Variants in NCALD observed in about 807,000 individuals in gnomAD.
NCALD encodes the protein neurocalcin delta, also known as neurocalcin-delta.
NCALD carries 10 observed loss-of-function variants against 18.6 expected under a neutral mutation model. The ratio of observed to expected loss-of-function variants is 0.54; its 90% CI spans 0.33 to 0.91. The LOEUF (loss-of-function observed/expected upper bound fraction) is 0.91. Among genes scored for constraint, NCALD ranks in the 40% least tolerant of loss-of-function variants. NCALD has a pLI of 0.03. For missense variants in NCALD, 184 were observed against 247.6 expected (o/e 0.74, Z 1.72); for synonymous variants, 88 against 87.4 (o/e 1.01, Z -0.04).
intron 3 of NCALD, among the ~76,000 whole-genome samples, chr8:101,912,569 G>A (rs1817839395): frequency 6.6e-6 from 1 of 152,208 alleles, no homozygotes; most frequent in African/African-American, 2.4e-5. Flanking sequence ...GGGGCAAGAG[G>A]TGAAACCTAT....
chr8:102,075,257 A>G (rs958629658), intron 1 of NCALD, among the ~76,000 whole-genome samples: 1 of 152,240 alleles, frequency 6.6e-6, no homozygotes, highest in Non-Finnish European at 1.5e-5. Flanking sequence ...TGTTACCAAA[A>G]GGAAATTTTT....
chr8:101,719,400 T>C lies in NCALD; in HGVS notation c.230A>G (p.Asp77Gly). ...GAATTCTCTAAAGTCTATTGTCCCA[T>C]CTCCATTTGCATCGAAGGTGCGGAA... is the stretch of plus-strand genomic sequence containing the variant. ...HVFRTFDANG[D>G]GTIDFREFII... Residue 77 changes from aspartate (D) to glycine (G), a missense_variant, in exon 2 of 4, where the codon GAT becomes GGT. Asp to Gly is a moderately conservative substitution (Grantham distance 94). Coordinates refer to ENST00000220931, the MANE Select transcript of NCALD (RefSeq NM_032041.3). The C allele has an allele frequency of 1.9e-6, 3 of 1,614,202 alleles. No individual in the cohort carries two copies. The highest frequency in any genetic ancestry group is 1.7e-6 in the Non-Finnish European group (2 of 1,180,036).
intron 4 of NCALD, among the ~76,000 whole-genome samples, chr8:101,829,188 T>G (rs1373044753): frequency 6.6e-6 from 1 of 152,194 alleles, no homozygotes; most frequent in Non-Finnish European, 1.5e-5. Context: ...ATTTTCCAGA[T>G]AGAATATTTG....
chr8:101,896,340 C>G (rs2131541771), intron 3 of NCALD, among the ~76,000 whole-genome samples: 1 of 152,000 alleles, frequency 6.6e-6, no homozygotes, highest in African/African-American at 2.4e-5. Flanking sequence ...GGATCCCTTC[C>G]TTACACCTTA....
chr8:101,817,527 G>T (rs1813545608), intron 4 of NCALD, among the ~76,000 whole-genome samples: 1 of 150,764 alleles, frequency 6.6e-6, no homozygotes, highest in African/African-American at 2.4e-5. Flanking sequence ...CAGGTGCCCA[G>T]AATAAAATGT....
intron 2 of NCALD, among the ~76,000 whole-genome samples, chr8:101,980,257 G>A (rs1382179386): frequency 6.6e-6 from 1 of 152,162 alleles, no homozygotes; most frequent in Non-Finnish European, 1.5e-5. Context: ...GTGGAGGTGG[G>A]GCGCACATTA....
intron 2 of NCALD, among the ~76,000 whole-genome samples, chr8:101,709,501 G>C (rs1372381920): frequency 6.6e-6 from 1 of 152,090 alleles, no homozygotes; most frequent in Non-Finnish European, 1.5e-5. Flanking sequence ...GCCTTTCAAG[G>C]GTCTTAGTTA....
chr8:101,830,505 C>A (rs764889927), intron 4 of NCALD, among the ~76,000 whole-genome samples: 1 of 150,792 alleles, frequency 6.6e-6, no homozygotes, highest in Non-Finnish European at 1.5e-5. Context: ...AGGCTGCACG[C>A]ACCACTGCAC....
chr8:101,885,575 T>C (rs576570818), intron 4 of NCALD, among the ~76,000 whole-genome samples: 1 of 152,302 alleles, frequency 6.6e-6, no homozygotes, highest in Admixed American at 6.5e-5. Flanking sequence ...ATCATCCTCG[T>C]TTGGGTCTGG....
chr8:101,696,367 A>G (rs762882999), intron 2 of NCALD, among the ~76,000 whole-genome samples: 1 of 152,250 alleles, frequency 6.6e-6, no homozygotes, highest in Non-Finnish European at 1.5e-5. Context: ...AGAAGAGTGC[A>G]TGGCTTCTGT....
chr8:101,726,845 G>A (rs1563700804), intron 1 of NCALD, among the ~76,000 whole-genome samples: 1 of 152,276 alleles, frequency 6.6e-6, no homozygotes, highest in Middle Eastern at 3.4e-3. Flanking sequence ...AAGTGAATGT[G>A]TATACTGTTT....
At chr8:102,123,298 CCTT>C (rs1292583351) in intron 1 of NCALD, among the ~76,000 whole-genome samples, 2 of 152,302 alleles carry the variant, frequency 1.3e-5, no homozygotes, top group Admixed American at 6.5e-5. Flanking sequence ...AGAACATAGA[CCTT>C]CTTGCGGGGC....
chr8:101,855,973 A>G (rs59573144), intron 4 of NCALD, among the ~76,000 whole-genome samples: 5,125 of 152,240 alleles, frequency 0.034, 189 homozygotes, highest in African/African-American at 0.091. Context: ...ACACTCATAC[A>G]TCTTGCTGTG....
At chr8:101,977,347 T>C (rs1470386749) in intron 2 of NCALD, among the ~76,000 whole-genome samples, 1 of 152,200 alleles carries the variant, frequency 6.6e-6, no homozygotes, top group East Asian at 1.9e-4. Flanking sequence ...TCACACTCTA[T>C]GTTTGGATAC....
intron 4 of NCALD, among the ~76,000 whole-genome samples, chr8:101,870,464 C>A (rs73696533): frequency 6.6e-6 from 1 of 152,212 alleles, no homozygotes; most frequent in African/African-American, 2.4e-5. Context: ...AAAGAAAGTG[C>A]ACTTAATAAT....
At chr8:101,994,248 T>C (rs1431256515) in intron 2 of NCALD, among the ~76,000 whole-genome samples, 1 of 152,090 alleles carries the variant, frequency 6.6e-6, no homozygotes, top group Admixed American at 6.5e-5. Flanking sequence ...AAGCATCCTG[T>C]TGGTCAAATG....
intron 3 of NCALD, among the ~76,000 whole-genome samples, chr8:101,891,017 A>G (rs1458187999): frequency 6.6e-6 from 1 of 152,254 alleles, no homozygotes; most frequent in Non-Finnish European, 1.5e-5. Flanking sequence ...CCTTAGAAAC[A>G]TAATGAATGA....
At chr8:102,020,968 T>C (rs1586934851) in intron 1 of NCALD, among the ~76,000 whole-genome samples, 1 of 152,286 alleles carries the variant, frequency 6.6e-6, no homozygotes, top group South Asian at 2.1e-4. Flanking sequence ...TCCACCTGAC[T>C]AACTCCTACT....
intron 4 of NCALD, among the ~76,000 whole-genome samples, chr8:101,824,431 C>T (rs1324394703): frequency 6.6e-6 from 1 of 152,108 alleles, no homozygotes; most frequent in Non-Finnish European, 1.5e-5. Context: ...TTAATAACAA[C>T]TGTAGATCTA....
Sources: allele counts gnomAD v4.1 joint callset (sites outside exome capture counted in the v4.1 genomes callset), GRCh38; gene constraint gnomAD v4.1.1; transcripts MANE v1.5; gene names NCBI Gene and HGNC (gene_info 2026-07-23, HGNC 2026-07-21).